Variants in OTOG observed in about 807,000 individuals in gnomAD.
OTOG encodes otogelin.
OTOG carries 296 observed loss-of-function variants against 313.8 expected under a neutral mutation model. That is an observed-to-expected ratio of 0.94 (90% CI 0.86 to 1.04). The LOEUF is 1.04. Ranked by LOEUF, OTOG falls within the 50% of genes least tolerant of loss-of-function variation. The probability of loss-of-function intolerance (pLI) is 0.00; values close to 1 mark genes in which losing one functional copy is unlikely to be tolerated. For synonymous variants in OTOG, 1,533 were observed against 1,554.9 expected, an observed-to-expected ratio of 0.99 and a Z score of 0.33; for missense variants, 3,948 against 3,840.1, an observed-to-expected ratio of 1.03 and a Z score of -0.74.
At position 17,645,575 on chromosome 11, in the gene OTOG, G is replaced by T. The variant is rs1306994235; in HGVS notation, c.8473G>T (p.Gly2825Trp). The T allele has an allele frequency of 4.5e-6, 7 of 1,550,506 alleles. No homozygotes were observed. The highest frequency in any genetic ancestry group is 6.1e-6 in the Non-Finnish European group (7 of 1,147,004). Residue 2825 changes from glycine to tryptophan, a missense_variant, in exon 55 of 56, where the codon GGG (glycine) becomes TGG (tryptophan). Physicochemically the swap from Gly to Trp is radical, Grantham distance 184. Transcript: ENST00000399397. ...EGCCRTCKED[G>W]RSCKKVTIRM... The stretch of plus-strand genomic sequence containing the variant: ...CCCTGTCCCCCCAGGTAAGGAGGAT[G>T]GGCGCTCCTGCAAGAAGGTGACCAT...
At chr11:17,644,136 G>A (rs928255869) in intron 54 of OTOG, among the ~76,000 whole-genome samples, 7 of 152,264 alleles carry the variant, frequency 4.6e-5, no homozygotes, top group East Asian at 3.8e-4. Flanking sequence ...GTGCATGCTG[G>A]GTAGTGAGCT....
Position 17,557,233 on chromosome 11 carries a change from A to C in OTOG, c.775A>C (p.Ile259Leu), listed in dbSNP as rs1186887499. 6.4e-7 allele frequency: 1 copy of C among 1,550,666 alleles called. No individual in the cohort carries two copies. The highest frequency in any genetic ancestry group is 8.7e-7 in the Non-Finnish European group (1 of 1,147,018). ...LAWDGASAVY[I>L]KMSPELLGWT... ...CTGGGATGGTGCCTCGGCTGTCTAC[A>C]TCAAGATGAGTCCAGAGCTTCTGGG... Residue 259 changes from isoleucine to leucine, a missense_variant, in exon 8 of 56, where the codon ATC (isoleucine) becomes CTC (leucine). Coordinates refer to ENST00000399397, the MANE Select transcript of OTOG (RefSeq NM_001292063.2).
rs924648491 is a variant in OTOG, at chr11:17,640,838, C to A, written c.8011+18C>A. On this transcript the variant is annotated intron_variant, in intron 50 of 55. Coordinates refer to ENST00000399397, the MANE Select transcript of OTOG (RefSeq NM_001292063.2). The stretch of plus-strand genomic sequence containing the variant: ...CGAGTGTGGTGAGTGGGGGAAGCCT[C>A]GGGGCAGAGCCATGCAGGAGGGGCA... The A allele has an allele frequency of 1.3e-6, 2 of 1,550,180 alleles. No individual in the cohort carries two copies. The highest frequency in any genetic ancestry group is 1.7e-6 in the Non-Finnish European group (2 of 1,146,976).
At position 17,591,607 on chromosome 11, in the gene OTOG, C is replaced by G. The variant is rs1156656530; in HGVS notation, c.3006+19C>G. 2 of 1,550,162 alleles carry G rather than the reference C, an allele frequency of 1.3e-6. No individual in the cohort carries two copies. Among genetic ancestry groups the G allele is most frequent in the Non-Finnish European group, 1.7e-6 (2 of 1,146,932 alleles). On this transcript the variant is annotated intron_variant, in intron 25 of 55. Transcript: ENST00000399397. ...GGTCAAGGTGAGTTCCCGGATGTTTCTGCCCAGTTGGCTCCATGCACAGCT... is the reference window on the plus strand; with the variant it reads ...GGTCAAGGTGAGTTCCCGGATGTTTGTGCCCAGTTGGCTCCATGCACAGCT...
intron 10 of OTOG, 140 bp from the exon 11 acceptor site, chr11:17,558,912 C>A: frequency 1.3e-6 from 1 of 763,772 alleles, no homozygotes; most frequent in Non-Finnish European, 2.2e-6. Flanking sequence ...ATCTGTTCAC[C>A]TAGATGCCTT....
intron 39 of OTOG, among the ~76,000 whole-genome samples, chr11:17,622,029 T>G (rs1853877634): frequency 6.6e-6 from 1 of 152,098 alleles, no homozygotes; most frequent in Admixed American, 6.5e-5. Context: ...GTATGTATGT[T>G]TACTCCCAGA....
chr11:17,572,940 A>T, intron 18 of OTOG, 138 bp from the exon 19 acceptor site: 1 of 806,764 alleles, frequency 1.2e-6, no homozygotes, highest in African/African-American at 1.7e-5. Context: ...CCAGCTGTAC[A>T]CTGAAGTAGC....
chr11:17,597,955 C>T (rs996185333), intron 30 of OTOG, among the ~76,000 whole-genome samples: 1 of 152,220 alleles, frequency 6.6e-6, no homozygotes, highest in East Asian at 1.9e-4. Context: ...GAGGTTTAAA[C>T]AAGGCATTGC....
At chr11:17,598,638 T>G (rs1400833417) in intron 30 of OTOG, among the ~76,000 whole-genome samples, 1 of 152,144 alleles carries the variant, frequency 6.6e-6, no homozygotes, top group Admixed American at 6.6e-5. Context: ...GTTAAGTAAT[T>G]TGGTCCAGTA....
intron 28 of OTOG, 86 bp downstream of exon 28, chr11:17,594,252 G>A: frequency 4.7e-6 from 7 of 1,497,562 alleles, no homozygotes; most frequent in Non-Finnish European, 6.3e-6. Context: ...CAGGGAAGAG[G>A]GATGCTGGTG....
intron 42 of OTOG, 140 bp downstream of exon 42, chr11:17,632,366 T>G (rs1854152162): frequency 2.9e-6 from 2 of 682,792 alleles, no homozygotes; most frequent in South Asian, 1.5e-4. Flanking sequence ...ATTAGTAAAT[T>G]TATAAATATT....
rs554391174 is a variant in OTOG, at chr11:17,608,171, T to C, written c.4157-125T>C. 127 of 630,908 alleles carry C rather than the reference T, an allele frequency of 2.0e-4. No individual in the cohort carries two copies. In the South Asian group the frequency reaches 2.8e-3, roughly 14 times the overall value. The allele number at this position is 630,908 out of a possible 1,614,324, so 39.1% of individuals were successfully genotyped here. A position where few individuals can be genotyped will look rare whatever the true frequency, so the allele number is the denominator to read the frequency against. Reference sequence around the variant, plus strand: ...GCAGTTTCTCCTTAGTGTGGTTTTTTCCCCATTTGCTTTCCCTGCATGGGT... The same window carrying C: ...GCAGTTTCTCCTTAGTGTGGTTTTTCCCCCATTTGCTTTCCCTGCATGGGT... On this transcript the variant is annotated intron_variant, in intron 33 of 55. Coordinates refer to ENST00000399397, the MANE Select transcript of OTOG (RefSeq NM_001292063.2).
chr11:17,563,637 C>T (rs1481464471), intron 15 of OTOG, among the ~76,000 whole-genome samples: 1 of 152,116 alleles, frequency 6.6e-6, no homozygotes, highest in Non-Finnish European at 1.5e-5. Flanking sequence ...TTCCCACTTA[C>T]AGAATCCTGG....
intron 38 of OTOG, 62 bp downstream of exon 38, chr11:17,612,827 G>A (rs1369176332): frequency 3.3e-6 from 5 of 1,500,680 alleles, no homozygotes; most frequent in Non-Finnish European, 3.6e-6. Context: ...TAAGAGGGGA[G>A]ACGGAGCAGT....
chr11:17,592,050 CAA>C (rs1852956776), intron 25 of OTOG, among the ~76,000 whole-genome samples: 1 of 152,084 alleles, frequency 6.6e-6, no homozygotes, highest in Non-Finnish European at 1.5e-5. Context: ...GAGCTGGGGT[CAA>C]GTTTGACCAA....
intron 39 of OTOG, among the ~76,000 whole-genome samples, chr11:17,616,116 G>T (rs1046014125): frequency 4.6e-5 from 7 of 152,034 alleles, no homozygotes; most frequent in African/African-American, 1.7e-4. Flanking sequence ...CTAGAGTGTG[G>T]TGGTGCAATG....
chr11:17,568,995 G>A (rs1852349472), intron 15 of OTOG, among the ~76,000 whole-genome samples, 161 bp from the exon 16 acceptor site: 1 of 152,120 alleles, frequency 6.6e-6, no homozygotes, highest in Admixed American at 6.5e-5. Context: ...CCCAGACGAG[G>A]GTATTTGGTT....
At chr11:17,576,478 G>C in intron 20 of OTOG, 78 bp from the exon 21 acceptor site, 1 of 1,191,990 alleles carries the variant, frequency 8.4e-7, no homozygotes, top group Non-Finnish European at 1.2e-6. Context: ...GTTGGCTGAG[G>C]GTGGGGTCCC....
At chr11:17,643,647 C>A in intron 54 of OTOG, 141 bp downstream of exon 54, 3 of 527,044 alleles carry the variant, frequency 5.7e-6, no homozygotes, top group Non-Finnish European at 9.1e-6. Context: ...AGGGATAACA[C>A]CCACACCACA....
Sources: gnomAD v4.1 joint callset for allele counts (sites outside exome capture counted in the v4.1 genomes callset) on GRCh38, gnomAD v4.1.1 for gene constraint, MANE v1.5 for transcripts, NCBI Gene and HGNC (gene_info 2026-07-23, HGNC 2026-07-21) for gene names.